RAB6B: variants seen among roughly 807,000 people sequenced by gnomAD.
The protein encoded by RAB6B is ras-related protein Rab-6B.
Under a neutral mutation model 31.2 loss-of-function variants are expected in RAB6B, and 7 were observed. The ratio of observed to expected loss-of-function variants is 0.22; its 90% confidence interval spans 0.13 to 0.42. The LOEUF is 0.42. Among genes scored for constraint, RAB6B ranks in the 10% least tolerant of loss-of-function variants. The probability of loss-of-function intolerance (pLI) is 1.00; values close to 1 mark genes in which losing one functional copy is unlikely to be tolerated. For missense variants in RAB6B, 149 were observed against 280.6 expected (o/e 0.53, Z 3.35); for synonymous variants, 105 against 104.9 (o/e 1.00, Z -0.01).
rs1936431029 is a variant in RAB6B, at chr3:133,878,895, C to T, written c.71-14253G>A. Among the ~76,000 whole-genome samples, 6 of 152,180 alleles carry T rather than the reference C, an allele frequency of 3.9e-5. No homozygotes were observed. The South Asian group carries it at 1.2e-3, about 31-fold the overall frequency. On this transcript the variant is annotated intron_variant, in intron 1 of 7. Coordinates refer to ENST00000285208, the MANE Select transcript of RAB6B (RefSeq NM_016577.4). ...AGGCATATGTTGAGACAATTCACTGCTAGCAGATCAACAATACAAGAAAGA... is the reference window on the plus strand; with the variant it reads ...AGGCATATGTTGAGACAATTCACTGTTAGCAGATCAACAATACAAGAAAGA...
rs199823465 is a variant in RAB6B, at chr3:133,841,334, G to A, written c.240C>T (p.Pro80=). The A allele has an allele frequency of 1.2e-6, 2 of 1,614,142 alleles. No individual in the cohort carries two copies. Among genetic ancestry groups the A allele is most frequent in the Non-Finnish European group, 1.7e-6 (2 of 1,180,018 alleles). ...AGQERFRSLI[P]SYIRDSTVAV... ...CCACCGTGGAGTCCCGGATGTAGCT[G>A]GGGATCAGGCTGCGGAACCTCTCCT... Residue 80 remains proline, a synonymous_variant, in exon 4 of 8, where the codon CCC becomes CCT. Transcript: ENST00000285208.
At position 133,876,283 on chromosome 3, in the gene RAB6B, C is replaced by T. The variant is rs185405924; in HGVS notation, c.71-11641G>A. 2.8e-3 allele frequency among the ~76,000 whole-genome samples: 427 copies of T among 152,310 alleles called. 3 individuals are homozygous for T. Among genetic ancestry groups the T allele is most frequent in the Non-Finnish European group, 4.7e-3 (320 of 68,028 alleles). The stretch of plus-strand genomic sequence containing the variant: ...GCCATGACATGCATTTCAACATTGG[C>T]ACCTGCCAGAACACAGCATAGGAGC... On this transcript the variant is annotated intron_variant, in intron 1 of 7. Transcript: ENST00000285208.
At position 133,889,890 on chromosome 3, in the gene RAB6B, C is replaced by A. The variant is rs369544416; in HGVS notation, c.70+5507G>T. On this transcript the variant is annotated intron_variant, in intron 1 of 7. Coordinates refer to ENST00000285208, the MANE Select transcript of RAB6B (RefSeq NM_016577.4). ...TTTCTTTTTTCTTTGCTGGCAAGTT[C>A]TCTTGCTATGCATCATCAGATTAAA... Among the ~76,000 whole-genome samples, 40 of 152,314 alleles carry A rather than the reference C, an allele frequency of 2.6e-4. 1 individual carries two copies. In the South Asian group the frequency reaches 8.1e-3, roughly 31 times the overall value.
intron 2 of RAB6B, among the ~76,000 whole-genome samples, chr3:133,853,494 A>G (rs1936031013): frequency 6.6e-6 from 1 of 151,420 alleles, no homozygotes; most frequent in Non-Finnish European, 1.5e-5. Flanking sequence ...ATGCCTGTCA[A>G]TGCTCCCCAG....
chr3:133,845,775 T>A (rs1053948722), intron 2 of RAB6B, among the ~76,000 whole-genome samples: 1 of 151,424 alleles, frequency 6.6e-6, no homozygotes, highest in Non-Finnish European at 1.5e-5. Context: ...AACAGAAAAT[T>A]CAAGCCATAA....
In RAB6B at chr3:133,827,800, C is replaced by T; in HGVS notation, c.*988G>A. 1 of 362,094 alleles carries T rather than the reference C, an allele frequency of 2.8e-6. No homozygotes were observed. The highest frequency in any genetic ancestry group is 2.0e-5 in the South Asian group (1 of 48,892). The allele number at this position is 362,094 out of a possible 1,614,324, so 22.4% of individuals were successfully genotyped here. A position where few individuals can be genotyped will look rare whatever the true frequency, so the allele number is the denominator to read the frequency against. Reference sequence around the variant, plus strand: ...AGAGGATCAACTCCAGGTGGTCCAGCTTCCCTGACATCCAGGAGGAAGGCT... The same window carrying T: ...AGAGGATCAACTCCAGGTGGTCCAGTTTCCCTGACATCCAGGAGGAAGGCT... On this transcript the variant is annotated 3_prime_UTR_variant, in exon 8 of 8. Coordinates refer to ENST00000285208, the MANE Select transcript of RAB6B (RefSeq NM_016577.4).
At chr3:133,874,084 G>A (rs1012517828) in intron 1 of RAB6B, among the ~76,000 whole-genome samples, 4 of 152,182 alleles carry the variant, frequency 2.6e-5, no homozygotes, top group African/African-American at 9.7e-5. Flanking sequence ...CAGAGAAGAG[G>A]TGAAAGAGGT....
intron 7 of RAB6B, among the ~76,000 whole-genome samples, chr3:133,830,984 G>A (rs893170273): frequency 1.3e-5 from 2 of 152,238 alleles, no homozygotes; most frequent in African/African-American, 4.8e-5. Flanking sequence ...GTGGGGAGGG[G>A]AGGGAAGGGC....
intron 1 of RAB6B, among the ~76,000 whole-genome samples, chr3:133,868,632 T>C (rs9845729): frequency 0.16 from 24,642 of 152,246 alleles, 2,257 homozygotes; most frequent in Admixed American, 0.26. Flanking sequence ...AGCTTTTTTA[T>C]TTTCTCTCTG....
intron 2 of RAB6B, among the ~76,000 whole-genome samples, chr3:133,847,436 T>C (rs1039901305): frequency 6.6e-6 from 1 of 152,246 alleles, no homozygotes; most frequent in Non-Finnish European, 1.5e-5. Flanking sequence ...CTCTGGATGA[T>C]GCTTTCTCAG....
intron 2 of RAB6B, among the ~76,000 whole-genome samples, chr3:133,863,647 C>T (rs1174637255): frequency 6.6e-6 from 1 of 152,098 alleles, no homozygotes; most frequent in Non-Finnish European, 1.5e-5. Flanking sequence ...TTTTGTTCAC[C>T]CAGTGTTCCC....
At position 133,836,251 on chromosome 3, in the gene RAB6B, C is replaced by G. The variant is rs1434708361; in HGVS notation, c.496-1610G>C. On this transcript the variant is annotated intron_variant, in intron 6 of 7. Coordinates refer to ENST00000285208, the MANE Select transcript of RAB6B (RefSeq NM_016577.4). ...CTGCAGTGGGGTAGCCATTAGTAGG[C>G]AAGGGTAAAAGGGCCCAGGCCATCC... 2.6e-5 allele frequency among the ~76,000 whole-genome samples: 4 copies of G among 152,188 alleles called. No homozygotes were observed. In the East Asian group the frequency reaches 7.7e-4, roughly 29 times the overall value.
At chr3:133,831,528 C>G (rs924348313) in intron 7 of RAB6B, among the ~76,000 whole-genome samples, 2 of 152,204 alleles carry the variant, frequency 1.3e-5, no homozygotes, top group African/African-American at 4.8e-5. Context: ...CCCAGCTCTT[C>G]CGCTAGGAGC....
intron 2 of RAB6B, among the ~76,000 whole-genome samples, chr3:133,847,065 C>G (rs1402915070): frequency 6.6e-6 from 1 of 152,250 alleles, no homozygotes; most frequent in Admixed American, 6.5e-5. Flanking sequence ...GCTACTTGTC[C>G]TTGATTGCGT....
At chr3:133,841,167 C>T (rs1158701200) in intron 4 of RAB6B, 118 bp downstream of exon 4, 2 of 669,754 alleles carry the variant, frequency 3.0e-6, no homozygotes, top group African/African-American at 2.5e-5. Context: ...CAATCGCACA[C>T]ACATGCGTGT....
Position 133,828,063 on chromosome 3 carries a change from C to G in RAB6B, c.*725G>C. On this transcript the variant is annotated 3_prime_UTR_variant, in exon 8 of 8. Coordinates refer to ENST00000285208, the MANE Select transcript of RAB6B (RefSeq NM_016577.4). ...ACAAGGTTGCCTGTACCCTCAACCC[C>G]CTTCAAGGCTTTTCAGGGAAAGAGA... 4 of 688,936 alleles carry G rather than the reference C, an allele frequency of 5.8e-6. No individual in the cohort carries two copies. The highest frequency in any genetic ancestry group is 2.0e-5 in the Admixed American group (1 of 49,260). 42.7% of individuals were successfully genotyped at this position (688,936 alleles called of 1,614,324 possible). A position where few individuals can be genotyped will look rare whatever the true frequency, so the allele number is the denominator to read the frequency against.
At chr3:133,858,023 C>T (rs1936106406) in intron 2 of RAB6B, among the ~76,000 whole-genome samples, 2 of 152,154 alleles carry the variant, frequency 1.3e-5, no homozygotes, top group South Asian at 4.1e-4. Context: ...CTGGTCCCGG[C>T]CCAGCCCCTC....
intron 2 of RAB6B, among the ~76,000 whole-genome samples, chr3:133,853,450 G>A (rs1452533694): frequency 6.6e-6 from 1 of 151,500 alleles, no homozygotes; most frequent in African/African-American, 2.4e-5. Context: ...CAGGCCCTTG[G>A]GATGGGGAGC....
At chr3:133,832,470 G>C (rs1935668515) in intron 7 of RAB6B, among the ~76,000 whole-genome samples, 1 of 152,148 alleles carries the variant, frequency 6.6e-6, no homozygotes, top group South Asian at 2.1e-4. Flanking sequence ...GGCCAGGTGT[G>C]AACAGTTTAT....
Sources: gnomAD v4.1 joint callset for allele counts (sites outside exome capture counted in the v4.1 genomes callset) on GRCh38, gnomAD v4.1.1 for gene constraint, MANE v1.5 for transcripts, NCBI Gene and HGNC (gene_info 2026-07-23, HGNC 2026-07-21) for gene names.